The following CRISPLD2 variants were observed in gnomAD, a reference collection of about 807,000 sequenced individuals.
CRISPLD2 encodes the protein cysteine-rich secretory protein LCCL domain-containing 2.
In CRISPLD2, 47 loss-of-function variants were observed where a neutral mutation model predicts 71.1. That is an observed-to-expected ratio of 0.66 (90% CI 0.52 to 0.84). The LOEUF (loss-of-function observed/expected upper bound fraction) is 0.84. CRISPLD2 is among the 40% of genes least tolerant of loss of function. CRISPLD2 has a pLI of 0.00. For synonymous variants in CRISPLD2, 317 were observed against 250.1 expected (o/e 1.27, Z -2.52); for missense variants, 830 against 651.1 (o/e 1.27, Z -2.99).
intron 2 of CRISPLD2, among the ~76,000 whole-genome samples, chr16:84,840,450 C>A (rs2143180557): frequency 6.6e-6 from 1 of 152,304 alleles, no homozygotes; most frequent in South Asian, 2.1e-4. Context: ...TTCAAAGCCA[C>A]CCTGTCTGTC....
At chr16:84,880,680 G>T in intron 13 of CRISPLD2, 96 bp downstream of exon 13, 1 of 785,114 alleles carries the variant, frequency 1.3e-6, no homozygotes, top group South Asian at 1.6e-5. Flanking sequence ...CTTTATTCCA[G>T]TGCCTCTTAG....
intron 2 of CRISPLD2, 35 bp downstream of exon 2, chr16:84,838,770 G>T (rs184750798): frequency 6.3e-7 from 1 of 1,588,998 alleles, no homozygotes; most frequent in South Asian, 1.1e-5. Context: ...GGCTGGCACC[G>T]GGGGTGGGGC....
intron 1 of CRISPLD2, among the ~76,000 whole-genome samples, chr16:84,821,036 C>G (rs1180962539): frequency 2.0e-5 from 3 of 152,250 alleles, no homozygotes; most frequent in Non-Finnish European, 4.4e-5. Context: ...GGGCGTCTCT[C>G]AGCCAAAATG....
intron 1 of CRISPLD2, chr16:84,829,180 C>A: frequency 6.6e-6 from 1 of 152,328 alleles, no homozygotes; most frequent in Non-Finnish European, 1.5e-5. Flanking sequence ...TGTTGGCTGT[C>A]CTGGGGAGAT....
intron 6 of CRISPLD2, among the ~76,000 whole-genome samples, chr16:84,865,702 C>A (rs1322411262): frequency 1.3e-5 from 2 of 152,050 alleles, no homozygotes; most frequent in African/African-American, 4.8e-5. Flanking sequence ...GCCGCTCAGG[C>A]AAATGAAAAT....
chr16:84,874,113 T>C, intron 11 of CRISPLD2, 150 bp downstream of exon 11: 1 of 762,940 alleles, frequency 1.3e-6, no homozygotes, highest in Non-Finnish European at 2.1e-6. Flanking sequence ...CAAGACGTCA[T>C]CTCTTTAACC....
At chr16:84,861,259 C>G (rs1414041154) in intron 6 of CRISPLD2, among the ~76,000 whole-genome samples, 1 of 152,178 alleles carries the variant, frequency 6.6e-6, no homozygotes. Flanking sequence ...TTGTGTTCCT[C>G]TAGAACCACT....
intron 3 of CRISPLD2, 53 bp from the exon 4 acceptor site, chr16:84,849,332 A>C (rs1917010914): frequency 2.6e-6 from 4 of 1,546,348 alleles, no homozygotes; most frequent in Non-Finnish European, 3.5e-6. Context: ...TGCTGTCTCC[A>C]CTGGTGGGTG....
At chr16:84,839,589 A>G (rs1916718181) in intron 2 of CRISPLD2, 1 of 152,786 alleles carries the variant, frequency 6.5e-6, no homozygotes, top group Non-Finnish European at 1.5e-5. Context: ...CTCCCGGGTG[A>G]TTGTGATGGG....
rs1261607012 is a variant in CRISPLD2, at chr16:84,889,770, G to GTC, written c.1439+408_1439+409insCT. Among the ~76,000 whole-genome samples the GTC allele has an allele frequency of 5.9e-3, 888 of 151,522 alleles. 11 individuals are homozygous for GTC. The highest frequency in any genetic ancestry group is 0.019 in the African/African-American group (782 of 41,216). On this transcript the variant is annotated intron_variant, in intron 14 of 14. Transcript: ENST00000262424. ...TTTTTCTTTGTGTGTGTGTGTGTGT[G>GTC]TGTGTGTGTGTGTGTGTGTGCATTT...
chr16:84,882,347 CAAAAAA>C (rs80146835), intron 13 of CRISPLD2, among the ~76,000 whole-genome samples: 4 of 77,462 alleles, frequency 5.2e-5, no homozygotes, highest in African/African-American at 1.4e-4. Context: ...ACCAATAAAG[CAAAAAA>C]AAAAAAAAAA....
intron 2 of CRISPLD2, chr16:84,839,532 TA>T (rs1281630146): frequency 6.5e-6 from 1 of 153,276 alleles, no homozygotes; most frequent in African/African-American, 2.4e-5. Flanking sequence ...TAGGCTTTGC[TA>T]ACCGGGAAAG....
In CRISPLD2 at chr16:84,868,853, CAA is replaced by C. The variant is rs771797609; in HGVS notation, c.857_858del (p.Gln286ArgfsTer5). 4.3e-6 allele frequency: 7 copies of C among 1,612,052 alleles called. No homozygotes were observed. Among genetic ancestry groups the C allele is most frequent in the Non-Finnish European group, 5.9e-6 (7 of 1,179,082 alleles). On this transcript the variant is annotated frameshift_variant, in exon 8 of 15. Transcript: ENST00000262424. LOFTEE classifies it high-confidence loss of function. ...GTATTCCCGCATTTCTCTCCTAGCC[CAA>C]GTCGTCAGATGTGACACCAAGATGA... ...KKTSAVNYMT[Q>X]VVRCDTKMKD...
chr16:84,905,475 C>G (rs997952513), intron 14 of CRISPLD2, among the ~76,000 whole-genome samples: 1 of 152,014 alleles, frequency 6.6e-6, no homozygotes, highest in East Asian at 1.9e-4. Context: ...TCTTGGCTCA[C>G]TGCACACTCC....
At chr16:84,834,504 G>A (rs920364433) in intron 1 of CRISPLD2, among the ~76,000 whole-genome samples, 2 of 152,218 alleles carry the variant, frequency 1.3e-5, no homozygotes, top group Non-Finnish European at 2.9e-5. Context: ...TTGGCAGATG[G>A]CACCAACCAG....
intron 2 of CRISPLD2, among the ~76,000 whole-genome samples, chr16:84,842,960 C>T (rs1916815858): frequency 6.6e-6 from 1 of 152,190 alleles, no homozygotes; most frequent in Admixed American, 6.5e-5. Flanking sequence ...TGGGTTCATG[C>T]TGGTCTTCTT....
At chr16:84,856,059 C>T (rs771893908) in intron 6 of CRISPLD2, among the ~76,000 whole-genome samples, 5 of 152,248 alleles carry the variant, frequency 3.3e-5, no homozygotes, top group Admixed American at 1.3e-4. Flanking sequence ...GTATTGATGA[C>T]TACCTTCTTC....
chr16:84,853,278 C>T (rs1338529764), intron 5 of CRISPLD2, among the ~76,000 whole-genome samples: 2 of 152,176 alleles, frequency 1.3e-5, no homozygotes, highest in African/African-American at 2.4e-5. Flanking sequence ...CTGGGCTTCA[C>T]CCAGAGACAG....
At chr16:84,886,316 T>C (rs958669926) in intron 13 of CRISPLD2, among the ~76,000 whole-genome samples, 1 of 152,218 alleles carries the variant, frequency 6.6e-6, no homozygotes, top group Admixed American at 6.5e-5. Flanking sequence ...GCTTTTACAG[T>C]GGATCCTGAG....
Sources: allele counts gnomAD v4.1 joint callset (sites outside exome capture counted in the v4.1 genomes callset), GRCh38; gene constraint gnomAD v4.1.1; transcripts MANE v1.5; gene names NCBI Gene and HGNC (gene_info 2026-07-23, HGNC 2026-07-21).